The following SIAH2 variants were observed in gnomAD, a reference collection of about 807,000 sequenced individuals.
The protein encoded by SIAH2 is siah E3 ubiquitin protein ligase 2, also known as E3 ubiquitin-protein ligase SIAH2.
Under a neutral mutation model 20.4 loss-of-function variants are expected in SIAH2, and 4 were observed. That is an observed-to-expected ratio of 0.20 (90% CI 0.10 to 0.45). The LOEUF is 0.45. SIAH2 is among the 20% of genes least tolerant of loss of function. The pLI, the probability that SIAH2 is intolerant of heterozygous loss-of-function variation, is 0.99. For synonymous variants in SIAH2, 171 were observed against 192.5 expected (o/e 0.89, Z 0.93); for missense variants, 259 against 440.3 (o/e 0.59, Z 3.69).
Position 150,762,114 on chromosome 3 carries a change from C to T in SIAH2, c.417+319G>A. 6.1e-6 allele frequency: 2 copies of T among 325,634 alleles called. No homozygotes were observed. Among genetic ancestry groups the T allele is most frequent in the South Asian group, 3.0e-5 (1 of 33,790 alleles). 20.2% of individuals were successfully genotyped at this position (325,634 alleles called of 1,614,324 possible). ...TTTCTCGGTCCAAGTTTTACTGGTG[C>T]GGCCCAGCCCTACCGAGAGTACCCG... On this transcript the variant is annotated intron_variant, in intron 1 of 1. Transcript: ENST00000312960. The surrounding 1 kb of genome is among the most constrained non-coding windows in gnomAD (Gnocchi z 6.6).
intron 1 of SIAH2, among the ~76,000 whole-genome samples, chr3:150,753,341 G>C (rs1200766044): frequency 6.6e-6 from 1 of 152,224 alleles, no homozygotes; most frequent in Non-Finnish European, 1.5e-5. Flanking sequence ...GGGGTCAGCA[G>C]CGGCCAACTC....
chr3:150,761,288 A>G (rs546555459), intron 1 of SIAH2, among the ~76,000 whole-genome samples: 1 of 152,374 alleles, frequency 6.6e-6, no homozygotes, highest in African/African-American at 2.4e-5. Flanking sequence ...GTATACTTCT[A>G]GGTTATAACG....
At chr3:150,745,501 CT>C (rs528343423) in intron 1 of SIAH2, among the ~76,000 whole-genome samples, 155 of 144,528 alleles carry the variant, frequency 1.1e-3, no homozygotes, top group Admixed American at 1.3e-3. Context: ...GTTTTCTTTT[CT>C]TTTTTTTTTT....
At chr3:150,751,467 G>A (rs983551304) in intron 1 of SIAH2, among the ~76,000 whole-genome samples, 6 of 152,004 alleles carry the variant, frequency 3.9e-5, no homozygotes, top group African/African-American at 1.2e-4. Context: ...CAATAGTGCA[G>A]TAACAGTTTT....
rs539462897 is a variant in SIAH2 at position 150,762,661 on chromosome 3, C to CCCGCCG, written c.183_188dup (p.Gly62_Gly63dup). On this transcript the variant is annotated inframe_insertion, in exon 1 of 2. Coordinates refer to ENST00000312960, the MANE Select transcript of SIAH2 (RefSeq NM_005067.7). This position sits in a 1 kb window ranked among gnomAD's most constrained non-coding sequence, Gnocchi z 6.6. ...GGTGCTGCGGGGACACCGGGCCGGCCCCGCCGCCGCCGCCGGGGCCCGAGA... is the reference window on the plus strand; with the variant it reads ...GGTGCTGCGGGGACACCGGGCCGGCCCCGCCGCCGCCGCCGCCGCCGGGGCCCGAGA... The CCCGCCG allele has an allele frequency of 2.0e-6, 3 of 1,473,296 alleles. No individual in the cohort carries two copies. Among genetic ancestry groups the CCCGCCG allele is most frequent in the Non-Finnish European group, 2.7e-6 (3 of 1,112,356 alleles). 91.3% of individuals were successfully genotyped at this position (1,473,296 alleles called of 1,614,324 possible).
At chr3:150,754,660 T>C (rs1034564981) in intron 1 of SIAH2, among the ~76,000 whole-genome samples, 10 of 152,220 alleles carry the variant, frequency 6.6e-5, no homozygotes, top group African/African-American at 1.7e-4. Context: ...TATCTTTAGG[T>C]GAGGGAGATT....
intron 1 of SIAH2, among the ~76,000 whole-genome samples, chr3:150,749,011 G>A (rs1714290579): frequency 6.6e-6 from 1 of 152,130 alleles, no homozygotes; most frequent in African/African-American, 2.4e-5. Flanking sequence ...GAAACACAAT[G>A]AGGTATTTAG....
Position 150,762,214 on chromosome 3 carries a change from A to T in SIAH2, c.417+219T>A. 1 of 942,056 alleles carries T rather than the reference A, an allele frequency of 1.1e-6. No homozygotes were observed. Among genetic ancestry groups the T allele is most frequent in the South Asian group, 1.8e-5 (1 of 54,576 alleles). The allele number at this position is 942,056 out of a possible 1,614,324, so 58.4% of individuals were successfully genotyped here. On this transcript the variant is annotated intron_variant, in intron 1 of 1. Transcript: ENST00000312960. The surrounding 1 kb of genome is among the most constrained non-coding windows in gnomAD (Gnocchi z 6.6). ...TTCTAACGATCAGCAAATGCCAATT[A>T]ATCTGTTAATTGTCTATTAACAATT...
At position 150,742,241 on chromosome 3, in the gene SIAH2, A is replaced by G. The variant is rs1385486949; in HGVS notation, c.875T>C (p.Met292Thr). ...GTCGAAAACAAGGCAGTCGCTGTTCATGATGGCCGCAGCCACACCGTCATG... is the reference window on the plus strand; with the variant it reads ...GTCGAAAACAAGGCAGTCGCTGTTCGTGATGGCCGCAGCCACACCGTCATG... ...SIHDGVAAAI[M>T]NSDCLVFDTA... Residue 292 changes from methionine to threonine, a missense_variant, in exon 2 of 2, where the codon ATG becomes ACG. By Grantham distance (81) the Met-to-Thr change is moderately conservative. This residue lies in a region of SIAH2 where 160 missense variants were observed against 327.6 expected (regional missense o/e 0.49). Transcript: ENST00000312960. The surrounding 1 kb of genome is among the most constrained non-coding windows in gnomAD (Gnocchi z 4.8). 1 of 1,614,232 alleles carries G rather than the reference A, an allele frequency of 6.2e-7. No individual in the cohort carries two copies. Among genetic ancestry groups the G allele is most frequent in the Non-Finnish European group, 8.5e-7 (1 of 1,180,046 alleles).
At chr3:150,745,860 C>T (rs1332479135) in intron 1 of SIAH2, among the ~76,000 whole-genome samples, 1 of 152,168 alleles carries the variant, frequency 6.6e-6, no homozygotes, top group Non-Finnish European at 1.5e-5. Flanking sequence ...GAACCTCTAT[C>T]CTAGAGCACA....
Position 150,762,904 on chromosome 3 carries a change from G to A in SIAH2, c.-55C>T. The stretch of plus-strand genomic sequence containing the variant: ...GCGCCTGCCTGCCGCGGGGCCGCCC[G>A]GGTCAAGGCGGTGCGCGCCCCGCGG... On this transcript the variant is annotated 5_prime_UTR_variant, in exon 1 of 2. Transcript: ENST00000312960. This position sits in a 1 kb window ranked among gnomAD's most constrained non-coding sequence, Gnocchi z 6.6. The A allele has an allele frequency of 8.8e-7, 1 of 1,138,428 alleles. No individual in the cohort carries two copies. The highest frequency in any genetic ancestry group is 1.1e-6 in the Non-Finnish European group (1 of 919,262). 70.5% of individuals were successfully genotyped at this position (1,138,428 alleles called of 1,614,324 possible). A position where few individuals can be genotyped will look rare whatever the true frequency, so the allele number is the denominator to read the frequency against.
chr3:150,746,119 G>A (rs1454052900), intron 1 of SIAH2, among the ~76,000 whole-genome samples: 1 of 152,070 alleles, frequency 6.6e-6, no homozygotes, highest in Non-Finnish European at 1.5e-5. Context: ...AGGAGGCCAG[G>A]CGCGCTGCTC....
intron 1 of SIAH2, among the ~76,000 whole-genome samples, chr3:150,756,232 G>A (rs147950842): frequency 2.0e-5 from 3 of 152,256 alleles, no homozygotes; most frequent in Non-Finnish European, 2.9e-5. Flanking sequence ...GATGTCCAGC[G>A]TGGAACCACA....
At chr3:150,748,092 C>G (rs886264077) in intron 1 of SIAH2, among the ~76,000 whole-genome samples, 4 of 151,972 alleles carry the variant, frequency 2.6e-5, no homozygotes, top group African/African-American at 7.2e-5. Context: ...ACTCAAAAGT[C>G]TTGTGCAGAT....
intron 1 of SIAH2, among the ~76,000 whole-genome samples, chr3:150,746,076 G>A (rs1000307205): frequency 6.6e-6 from 1 of 152,228 alleles, no homozygotes; most frequent in East Asian, 1.9e-4. Flanking sequence ...CTAGCACAGG[G>A]TGAGTGGAGG....
chr3:150,762,807 A>T lies in SIAH2; in HGVS notation c.43T>A (p.Cys15Ser). Reference protein sequence around the residue: ...SSTGPSANKPCSKQPPPQPQH... With the variant: ...SSTGPSANKPSSKQPPPQPQH... ...GGCTGCGGCGGCGGCTGCTTGCTGC[A>T]GGGTTTATTAGCGCTGGGGCCGGTG... is the stretch of plus-strand genomic sequence containing the variant. The change falls in exon 1 of 2, where the codon TGC (cysteine) becomes AGC (serine). Residue 15 changes from cysteine to serine, a missense_variant. By Grantham distance (112) the Cys-to-Ser change is moderately radical. This residue lies in a region of SIAH2 where 99 missense variants were observed against 112.7 expected (regional missense o/e 0.88). Transcript: ENST00000312960. The surrounding 1 kb of genome is among the most constrained non-coding windows in gnomAD (Gnocchi z 6.6). The T allele has an allele frequency of 3.3e-6, 4 of 1,223,370 alleles. No homozygotes were observed. The highest frequency in any genetic ancestry group is 4.1e-6 in the Non-Finnish European group (4 of 968,878). The allele number at this position is 1,223,370 out of a possible 1,614,324, so 75.8% of individuals were successfully genotyped here.
chr3:150,762,851 G>A lies in SIAH2; in HGVS notation c.-2C>T. On this transcript the variant is annotated 5_prime_UTR_variant, in exon 1 of 2. Coordinates refer to ENST00000312960, the MANE Select transcript of SIAH2 (RefSeq NM_005067.7). The surrounding 1 kb of genome is among the most constrained non-coding windows in gnomAD (Gnocchi z 6.6). Reference sequence around the variant, plus strand: ...GCCGGTGGAGGACGGGCGGCTCATCGCGCTCCGAACCAACCATGGAACTGC... The same window carrying A: ...GCCGGTGGAGGACGGGCGGCTCATCACGCTCCGAACCAACCATGGAACTGC... 8.3e-7 allele frequency: 1 copy of A among 1,205,758 alleles called. No homozygotes were observed. 74.7% of individuals were successfully genotyped at this position (1,205,758 alleles called of 1,614,324 possible). A position where few individuals can be genotyped will look rare whatever the true frequency, so the allele number is the denominator to read the frequency against.
rs1465383718 is a variant in SIAH2, at chr3:150,762,223, A to C, written c.417+210T>G. On this transcript the variant is annotated intron_variant, in intron 1 of 1. Coordinates refer to ENST00000312960, the MANE Select transcript of SIAH2 (RefSeq NM_005067.7). The surrounding 1 kb of genome is among the most constrained non-coding windows in gnomAD (Gnocchi z 6.6). Reference sequence around the variant, plus strand: ...TCAGCAAATGCCAATTAATCTGTTAATTGTCTATTAACAATTATTACTCGG... The same window carrying C: ...TCAGCAAATGCCAATTAATCTGTTACTTGTCTATTAACAATTATTACTCGG... 4.8e-6 allele frequency: 5 copies of C among 1,032,184 alleles called. No homozygotes were observed. Among genetic ancestry groups the C allele is most frequent in the Non-Finnish European group, 5.4e-6 (4 of 740,972 alleles). 63.9% of individuals were successfully genotyped at this position (1,032,184 alleles called of 1,614,324 possible). A position where few individuals can be genotyped will look rare whatever the true frequency, so the allele number is the denominator to read the frequency against.
chr3:150,762,591 C>T lies in SIAH2; in HGVS notation c.259G>A (p.Val87Ile), dbSNP rs764017241. ...LFECPVCFDYVLPPILQCQAG... is the reference protein window; with the variant it reads ...LFECPVCFDYILPPILQCQAG... The stretch of plus-strand genomic sequence containing the variant: ...TGGCACTGCAGAATAGGAGGCAGGA[C>T]ATAGTCAAAGCAGACCGGACACTCG... Residue 87 changes from valine to isoleucine, a missense_variant, in exon 1 of 2, where the codon GTC (valine) becomes ATC (isoleucine). Val to Ile is a conservative substitution (Grantham distance 29, BLOSUM62 3). Transcript: ENST00000312960. The surrounding 1 kb of genome is among the most constrained non-coding windows in gnomAD (Gnocchi z 6.6). 4.3e-6 allele frequency: 7 copies of T among 1,613,140 alleles called. No homozygotes were observed. The highest frequency in any genetic ancestry group is 5.9e-6 in the Non-Finnish European group (7 of 1,179,864).
Sources: gnomAD v4.1 joint callset for allele counts (sites outside exome capture counted in the v4.1 genomes callset) on GRCh38, gnomAD v4.1.1 for gene constraint, gnomAD v4.1.1 regional missense constraint, Gnocchi (gnomAD v3.1) non-coding constraint, MANE v1.5 for transcripts, NCBI Gene and HGNC (gene_info 2026-07-23, HGNC 2026-07-21) for gene names.